DOCK9: variants seen among roughly 807,000 people sequenced by gnomAD.
The protein encoded by DOCK9 is dedicator of cytokinesis 9.
A neutral mutation model predicts 263.3 loss-of-function variants in DOCK9; 89 were observed. The ratio of observed to expected loss-of-function variants is 0.34; its 90% CI spans 0.28 to 0.40. DOCK9 has a LOEUF of 0.40. DOCK9 is among the 10% of genes least tolerant of loss of function. DOCK9 has a pLI of 1.00. For synonymous variants in DOCK9, 976 were observed against 973.1 expected (o/e 1.00, Z -0.06); for missense variants, 2,140 against 2,603.4 (o/e 0.82, Z 3.87).
intron 30 of DOCK9, among the ~76,000 whole-genome samples, chr13:98,866,892 G>A (rs997202431): frequency 2.0e-5 from 3 of 152,180 alleles, no homozygotes; most frequent in Non-Finnish European, 4.4e-5. Context: ...TTACAGCAAT[G>A]TCTTAGTTCC....
rs10536129 is a variant in DOCK9 at position 98,989,316 on chromosome 13, AATGATGATGATGATG to A, written c.130-33780_130-33766del. Among the ~76,000 whole-genome samples, 78 of 138,164 alleles carry A rather than the reference AATGATGATGATGATG, an allele frequency of 5.6e-4. No homozygotes were observed. In the East Asian group the frequency reaches 8.0e-3, roughly 14 times the overall value. The allele number at this position is 138,164 out of a possible 152,430, so 90.6% of individuals were successfully genotyped here. ...TTTTGGGAGCTTGAAAATTAATAATAATGATGATGATGATGATGATGATGATGATGATAATAATAA... is the reference window on the plus strand; with the variant it reads ...TTTTGGGAGCTTGAAAATTAATAATAATGATGATGATGATGATAATAATAA... On this transcript the variant is annotated intron_variant, in intron 1 of 32. Coordinates refer to the DOCK9 transcript ENST00000427887.
In DOCK9 at chr13:98,902,514, A is replaced by G. The variant is rs1238953304; in HGVS notation, c.1177-23T>C. On this transcript the variant is annotated intron_variant, in intron 11 of 52. Coordinates refer to ENST00000682017, the MANE Select transcript of DOCK9 (RefSeq NM_001366683.2). The stretch of plus-strand genomic sequence containing the variant: ...AACCTGAACAAAACAAAACAATCCA[A>G]TGATCACCATGGCTCAAACAGGGAC... 6 of 1,603,862 alleles carry G rather than the reference A, an allele frequency of 3.7e-6. No homozygotes were observed. In the African/African-American group the frequency reaches 6.7e-5, roughly 18 times the overall value.
intron 1 of DOCK9, among the ~76,000 whole-genome samples, chr13:99,034,216 T>C (rs1313903039): frequency 1.3e-5 from 2 of 151,988 alleles, no homozygotes; most frequent in Non-Finnish European, 2.9e-5. Flanking sequence ...TATTCCAAAT[T>C]TGCTTCCTCC....
At chr13:99,037,486 A>G (rs1038456574) in intron 1 of DOCK9, among the ~76,000 whole-genome samples, 1 of 152,248 alleles carries the variant, frequency 6.6e-6, no homozygotes, top group African/African-American at 2.4e-5. Context: ...GATGTGGAGC[A>G]AATAAACTCT....
At position 99,004,784 on chromosome 13, in the gene DOCK9, G is replaced by GACACACAC. The variant is rs10533387; in HGVS notation, c.130-49241_130-49234dup. 2.9e-3 allele frequency among the ~76,000 whole-genome samples: 423 copies of GACACACAC among 148,146 alleles called. 4 individuals are homozygous for GACACACAC. The highest frequency in any genetic ancestry group is 7.8e-3 in the African/African-American group (314 of 40,022). On this transcript the variant is annotated intron_variant, in intron 1 of 32. Transcript: ENST00000427887. ...GTACTGCATTGACCAAAAAACTATA[G>GACACACAC]ACACACACACACACACACACACACA...
At chr13:99,078,762 T>C (rs938106195) in intron 1 of DOCK9, among the ~76,000 whole-genome samples, 1 of 152,120 alleles carries the variant, frequency 6.6e-6, no homozygotes, top group Non-Finnish European at 1.5e-5. Flanking sequence ...CTCTCAGGAG[T>C]AAGTGGCTTC....
chr13:99,063,562 T>A (rs1007389202), intron 1 of DOCK9, among the ~76,000 whole-genome samples: 2 of 152,172 alleles, frequency 1.3e-5, no homozygotes, highest in African/African-American at 2.4e-5. Flanking sequence ...AACCAACCAC[T>A]TCAACTGGAA....
chr13:99,025,054 T>C (rs550086362), intron 1 of DOCK9, among the ~76,000 whole-genome samples: 28 of 152,198 alleles, frequency 1.8e-4, no homozygotes, highest in Non-Finnish European at 3.1e-4. Flanking sequence ...ATACAGCCAG[T>C]TGGGTTATGA....
intron 1 of DOCK9, among the ~76,000 whole-genome samples, chr13:99,046,439 A>C (rs1264620754): frequency 6.6e-6 from 1 of 152,234 alleles, no homozygotes; most frequent in Non-Finnish European, 1.5e-5. Context: ...TGAGGTTTTC[A>C]AAAGGAGGAA....
chr13:98,911,528 A>G (rs1003336932), intron 9 of DOCK9, among the ~76,000 whole-genome samples: 2 of 152,218 alleles, frequency 1.3e-5, no homozygotes, highest in Admixed American at 1.3e-4. Context: ...CATACACACT[A>G]TATGTATAAA....
intron 1 of DOCK9, among the ~76,000 whole-genome samples, chr13:98,957,098 C>T (rs561409737): frequency 2.6e-5 from 4 of 152,292 alleles, no homozygotes; most frequent in East Asian, 1.9e-4. Context: ...AAGCCTTCCA[C>T]GTGGCCCCTC....
At chr13:99,078,798 C>A (rs536647075) in intron 1 of DOCK9, among the ~76,000 whole-genome samples, 1 of 152,204 alleles carries the variant, frequency 6.6e-6, no homozygotes, top group Non-Finnish European at 1.5e-5. Context: ...ATTATCACAG[C>A]ACATTCTCAA....
intron 45 of DOCK9, among the ~76,000 whole-genome samples, chr13:98,822,433 A>G (rs774238138): frequency 1.3e-5 from 2 of 152,178 alleles, no homozygotes; most frequent in Non-Finnish European, 2.9e-5. Flanking sequence ...CTACTTTCCA[A>G]TCTTTAATTG....
Position 99,048,903 on chromosome 13 carries a change from C to A in DOCK9, c.129+37320G>T, listed in dbSNP as rs777958134. ...GCTCTGCTACTAATAAACAGCAAAG[C>A]TTAATAAGCTGAATAATCATAGCTA... On this transcript the variant is annotated intron_variant, in intron 1 of 32. Transcript: ENST00000427887. 4.0e-4 allele frequency among the ~76,000 whole-genome samples: 61 copies of A among 152,120 alleles called. 1 individual carries two copies. The highest frequency in any genetic ancestry group is 2.9e-4 in the Non-Finnish European group (20 of 68,032).
At chr13:98,952,386 C>T (rs189375253) in intron 2 of DOCK9, among the ~76,000 whole-genome samples, 2 of 152,150 alleles carry the variant, frequency 1.3e-5, no homozygotes, top group South Asian at 2.1e-4. Context: ...CAGGCATGCA[C>T]CACCATGCCT....
At chr13:98,804,005 T>C (rs556089982) in intron 49 of DOCK9, among the ~76,000 whole-genome samples, 58 of 151,962 alleles carry the variant, frequency 3.8e-4, no homozygotes, top group South Asian at 8.3e-4. Flanking sequence ...TCTCTCTTTT[T>C]AAAGCATACG....
Position 98,898,182 on chromosome 13 carries a change from G to A in DOCK9, c.1583C>T (p.Ala528Val). The A allele has an allele frequency of 6.2e-7, 1 of 1,609,614 alleles. No homozygotes were observed. ...GQYRMPFAWA[A>V]RTLFKDASGN... ...AGGTATAAAAGGTGTTCCTTACCTT[G>A]CTGCCCAAGCAAATGGCATTCTATA... is the stretch of plus-strand genomic sequence containing the variant. Residue 528 changes from alanine to valine, a missense_variant, in exon 14 of 53, where the codon GCA becomes GTA. Transcript: ENST00000682017.
At chr13:99,054,032 CA>C (rs1259592767) in intron 1 of DOCK9, among the ~76,000 whole-genome samples, 2 of 152,138 alleles carry the variant, frequency 1.3e-5, no homozygotes, top group Non-Finnish European at 1.5e-5. Flanking sequence ...AAGCCAAAAC[CA>C]GGGGTGAATT....
At chr13:99,060,353 AG>A (rs1356960795) in intron 1 of DOCK9, among the ~76,000 whole-genome samples, 1 of 152,010 alleles carries the variant, frequency 6.6e-6, no homozygotes, top group East Asian at 1.9e-4. Context: ...CTGGGATTAC[AG>A]GCGTGAGCCA....
Sources: allele counts gnomAD v4.1 joint callset (sites outside exome capture counted in the v4.1 genomes callset), GRCh38; gene constraint gnomAD v4.1.1; transcripts MANE v1.5; gene names NCBI Gene and HGNC (gene_info 2026-07-23, HGNC 2026-07-21).